The following MYO16 variants were observed in gnomAD, a reference collection of about 807,000 sequenced individuals.
The protein encoded by MYO16 is myosin XVI, also known as unconventional myosin-XVI.
In MYO16, 94 loss-of-function variants were observed where a neutral mutation model predicts 205.3. The observed-to-expected ratio is 0.46, with a 90% CI of 0.39 to 0.54. The LOEUF is 0.54. Ranked by LOEUF, MYO16 falls within the 20% of genes least tolerant of loss-of-function variation. MYO16 has a pLI of 0.00. For synonymous variants in MYO16, 988 were observed against 954.0 expected, an observed-to-expected ratio of 1.04 and a Z score of -0.66; for missense variants, 2,315 against 2,387.5, an observed-to-expected ratio of 0.97 and a Z score of 0.63.
At chr13:108,636,571 G>A (rs1024307661) in intron 1 of MYO16, among the ~76,000 whole-genome samples, 1 of 151,824 alleles carries the variant, frequency 6.6e-6, no homozygotes, top group South Asian at 2.1e-4. Flanking sequence ...GTAGAGACAG[G>A]GTTTCACCAT....
chr13:108,843,644 G>A (rs1194764256), intron 9 of MYO16, among the ~76,000 whole-genome samples: 1 of 152,026 alleles, frequency 6.6e-6, no homozygotes, highest in Admixed American at 6.6e-5. Flanking sequence ...AACAATTTAG[G>A]AGGCACATTT....
At position 109,189,702 on chromosome 13, in the gene MYO16, G is replaced by A. The variant is rs115114012; in HGVS notation, c.5415+10069G>A. On this transcript the variant is annotated intron_variant, in intron 34 of 34. Coordinates refer to ENST00000457511, the MANE Select transcript of MYO16 (RefSeq NM_001198950.3). ...GAAAAAATAGTGGGGAAAAAAAATC[G>A]TCTTTTATGCTAACTCAATATTTAC... 9.9e-4 allele frequency among the ~76,000 whole-genome samples: 151 copies of A among 152,210 alleles called. 2 individuals carry two copies. The highest frequency in any genetic ancestry group is 3.4e-3 in the African/African-American group (143 of 41,548).
intron 19 of MYO16, among the ~76,000 whole-genome samples, chr13:108,962,819 G>A (rs1270976636): frequency 6.6e-6 from 1 of 152,196 alleles, no homozygotes; most frequent in Admixed American, 6.5e-5. Flanking sequence ...TTCAATGAAG[G>A]ACCAACCTTT....
At chr13:108,670,788 A>T (rs1006083544) in intron 2 of MYO16, among the ~76,000 whole-genome samples, 1 of 152,180 alleles carries the variant, frequency 6.6e-6, no homozygotes, top group Non-Finnish European at 1.5e-5. Flanking sequence ...TCTGTCCTTA[A>T]TTTGTCTTCC....
At chr13:108,577,982 C>T in the MYO16 span, among the ~76,000 whole-genome samples, 1 of 152,136 alleles carries the variant, frequency 6.6e-6, no homozygotes, top group African/African-American at 2.4e-5. Flanking sequence ...TATCCCTTTA[C>T]TACGCAAGTA....
At chr13:108,534,936 C>T in the MYO16 span, among the ~76,000 whole-genome samples, 2 of 149,410 alleles carry the variant, frequency 1.3e-5, no homozygotes, top group Non-Finnish European at 3.0e-5. Context: ...CCTTCTTCCT[C>T]TCTTCTTTCT....
intron 8 of MYO16, among the ~76,000 whole-genome samples, chr13:108,821,944 A>G (rs1249400745): frequency 4.6e-5 from 7 of 152,174 alleles, no homozygotes; most frequent in South Asian, 2.1e-4. Context: ...GAATAAAAAT[A>G]CTTTTATCAC....
chr13:108,545,402 C>T, the MYO16 span, among the ~76,000 whole-genome samples: 1 of 152,068 alleles, frequency 6.6e-6, no homozygotes, highest in African/African-American at 2.4e-5. Flanking sequence ...TCCAGTCTAC[C>T]ATTGGTGGGG....
At chr13:108,584,386 A>G in the MYO16 span, among the ~76,000 whole-genome samples, 1 of 152,372 alleles carries the variant, frequency 6.6e-6, no homozygotes, top group African/African-American at 2.4e-5. Flanking sequence ...TCTATGGAGT[A>G]CATGTGATGT....
chr13:109,156,050 G>T (rs1878003741), intron 32 of MYO16, among the ~76,000 whole-genome samples: 1 of 152,212 alleles, frequency 6.6e-6, no homozygotes, highest in South Asian at 2.1e-4. Flanking sequence ...TGAGAGGGGT[G>T]TCAAAGCCCT....
chr13:108,665,996 T>C lies in MYO16; in HGVS notation c.139T>C (p.Cys47Arg), dbSNP rs770051897. 6 of 1,614,036 alleles carry C rather than the reference T, an allele frequency of 3.7e-6. No individual in the cohort carries two copies. Among genetic ancestry groups the C allele is most frequent in the Non-Finnish European group, 4.2e-6 (5 of 1,180,006 alleles). ...GCAGCGTCTAGTGAAGCGCATGCGC[T>C]GTGAGCAAATCAAAGCCTACTATGA... ...QRQRLVKRMR[C>R]EQIKAYYERE... is the part of the protein sequence containing the mutation. Residue 47 changes from cysteine (C) to arginine (R), a missense_variant, in exon 2 of 35, where the codon TGT (cysteine) becomes CGT (arginine). By Grantham distance (180) the Cys-to-Arg change is radical (BLOSUM62 -3). Around this residue, in one of 3 missense-constraint regions of MYO16, gnomAD observed 1,213 missense variants for 1,274.4 expected, o/e 0.95. Transcript: ENST00000457511.
At chr13:108,608,041 A>C (rs542238529) in intron 1 of MYO16, among the ~76,000 whole-genome samples, 1 of 152,296 alleles carries the variant, frequency 6.6e-6, no homozygotes, top group East Asian at 1.9e-4. Context: ...TGATTTTCTC[A>C]GCTAGTTGGG....
chr13:109,045,173 G>A (rs1887001232), intron 23 of MYO16, among the ~76,000 whole-genome samples: 1 of 152,154 alleles, frequency 6.6e-6, no homozygotes, highest in Non-Finnish European at 1.5e-5. Context: ...ACTCAGGAAG[G>A]CATAGGGAAG....
At position 108,753,898 on chromosome 13, in the gene MYO16, G is replaced by A. The variant is rs111499009; in HGVS notation, c.507+26315G>A. 9.0e-3 allele frequency among the ~76,000 whole-genome samples: 1,367 copies of A among 152,282 alleles called. 14 individuals carry two copies. The highest frequency in any genetic ancestry group is 0.031 in the African/African-American group (1,280 of 41,542). On this transcript the variant is annotated intron_variant, in intron 4 of 34. Transcript: ENST00000457511. ...AAAGAGGCTATACTTTGAGGATTTGGCTGATCTCAGACAGTTGACAATGTG... is the reference window on the plus strand; with the variant it reads ...AAAGAGGCTATACTTTGAGGATTTGACTGATCTCAGACAGTTGACAATGTG...
intron 6 of MYO16, among the ~76,000 whole-genome samples, chr13:108,804,277 C>T (rs969414063): frequency 6.6e-6 from 1 of 152,172 alleles, no homozygotes; most frequent in Non-Finnish European, 1.5e-5. Context: ...AGGTGATTTC[C>T]AAATTGTAAT....
At chr13:108,587,144 G>A in the MYO16 span, among the ~76,000 whole-genome samples, 1 of 152,152 alleles carries the variant, frequency 6.6e-6, no homozygotes. Flanking sequence ...ATGTAACCTT[G>A]TGTGGGAAAA....
chr13:109,190,661 C>T (rs1213209396), intron 34 of MYO16, among the ~76,000 whole-genome samples: 2 of 152,148 alleles, frequency 1.3e-5, no homozygotes, highest in South Asian at 2.1e-4. Context: ...ATTAGGATCA[C>T]AGGCAGTTGT....
At chr13:108,865,162 T>A (rs899933515) in intron 11 of MYO16, among the ~76,000 whole-genome samples, 1 of 152,196 alleles carries the variant, frequency 6.6e-6, no homozygotes, top group African/African-American at 2.4e-5. Context: ...AGTGTTCAAC[T>A]TGTCAGTAAC....
At chr13:109,158,800 A>T (rs1348493987) in intron 32 of MYO16, among the ~76,000 whole-genome samples, 1 of 152,248 alleles carries the variant, frequency 6.6e-6, no homozygotes, top group African/African-American at 2.4e-5. Context: ...AAATGAGAAA[A>T]TAAATCAAAG....
Sources: allele counts gnomAD v4.1 joint callset (sites outside exome capture counted in the v4.1 genomes callset), GRCh38; gene constraint gnomAD v4.1.1; regional missense constraint gnomAD v4.1.1; transcripts MANE v1.5; gene names NCBI Gene and HGNC (gene_info 2026-07-23, HGNC 2026-07-21).